ZNF177: variants seen among roughly 807,000 people sequenced by gnomAD.
ZNF177 encodes zinc finger protein 177.
Under a neutral mutation model 19.4 loss-of-function variants are expected in ZNF177, and 17 were observed. The ratio of observed to expected loss-of-function variants is 0.87; its 90% CI spans 0.60 to 1.31. ZNF177 has a LOEUF of 1.31. ZNF177 is among the 40% of genes most tolerant of loss of function. ZNF177 has a pLI of 0.00. For missense variants in ZNF177, 633 were observed against 561.8 expected, an observed-to-expected ratio of 1.13 and a Z score of -1.28; for synonymous variants, 220 against 188.7, an observed-to-expected ratio of 1.17 and a Z score of -1.36.
intron 2 of ZNF177, among the ~76,000 whole-genome samples, chr19:9,371,081 C>G (rs1298624228): frequency 6.6e-6 from 1 of 152,040 alleles, no homozygotes; most frequent in African/African-American, 2.4e-5. Context: ...GCTGGGTTTT[C>G]CCCCCAGATT....
intron 4 of ZNF177, 41 bp from the exon 7 acceptor site, chr19:9,380,009 TCCCAACC>T: frequency 6.3e-7 from 1 of 1,592,038 alleles, no homozygotes; most frequent in Non-Finnish European, 8.5e-7. Context: ...TTTTCTTTGA[TCCCAACC>T]TTTTCTCCCA....
At chr19:9,367,380 G>A (rs969440798) in intron 2 of ZNF177, among the ~76,000 whole-genome samples, 3 of 151,924 alleles carry the variant, frequency 2.0e-5, no homozygotes, top group African/African-American at 7.2e-5. Context: ...TTTTCAGGTT[G>A]AAAAAATTTA....
intron 5 of ZNF177, among the ~76,000 whole-genome samples, 158 bp downstream of exon 7, chr19:9,380,297 T>A (rs922028856): frequency 6.6e-6 from 1 of 152,088 alleles, no homozygotes; most frequent in Admixed American, 6.5e-5. Flanking sequence ...TTTCATGAAA[T>A]TGGAGAAATC....
intron 2 of ZNF177, among the ~76,000 whole-genome samples, chr19:9,366,695 G>A (rs1216371645): frequency 1.3e-5 from 2 of 151,946 alleles, no homozygotes; most frequent in East Asian, 3.9e-4. Context: ...ATTTCTCTTG[G>A]GTATATACCT....
intron 2 of ZNF177, among the ~76,000 whole-genome samples, chr19:9,365,467 G>C (rs986376227): frequency 4.0e-5 from 6 of 151,898 alleles, no homozygotes; most frequent in African/African-American, 1.5e-4. Context: ...TGGAGAGAAG[G>C]GTTCAGGGGT....
intron 2 of ZNF177, among the ~76,000 whole-genome samples, chr19:9,367,312 CA>C (rs892758051): frequency 7.0e-5 from 10 of 142,776 alleles, no homozygotes; most frequent in African/African-American, 1.6e-4. Context: ...AAGAGTGTCT[CA>C]AAAAAAAAAT....
At chr19:9,378,511 TC>T in intron 2 of ZNF177, 167 bp downstream of exon 4, 1 of 1,105,056 alleles carries the variant, frequency 9.0e-7, no homozygotes, top group Non-Finnish European at 1.3e-6. Context: ...AGGCTTCTGT[TC>T]CCACATTTGT....
intron 2 of ZNF177, among the ~76,000 whole-genome samples, chr19:9,368,181 G>A (rs139395498): frequency 3.8e-4 from 58 of 152,234 alleles, no homozygotes; most frequent in African/African-American, 1.3e-3. Context: ...CCTTGCTGAC[G>A]GGATCAGTCT....
intron 1 of ZNF177, among the ~76,000 whole-genome samples, chr19:9,376,769 T>C (rs2068115036): frequency 6.6e-6 from 1 of 152,222 alleles, no homozygotes; most frequent in Admixed American, 6.5e-5. Context: ...TTTAATATTT[T>C]TATCTTTTAA....
exon 6 of ZNF177, chr19:9,381,947 C>T: frequency 9.9e-7 from 1 of 1,011,666 alleles, no homozygotes; most frequent in Non-Finnish European, 1.4e-6. Flanking sequence ...TTGTTTTTAT[C>T]AGTGAGTATT....
At chr19:9,381,954 T>A in exon 6 of ZNF177, 1 of 936,418 alleles carries the variant, frequency 1.1e-6, no homozygotes, top group Non-Finnish European at 1.5e-6. Context: ...TATCAGTGAG[T>A]ATTTCATTCT....
chr19:9,378,472 C>A, intron 2 of ZNF177, 128 bp downstream of exon 4: 1 of 1,423,090 alleles, frequency 7.0e-7, no homozygotes, highest in Non-Finnish European at 9.5e-7. Context: ...TCCCAGGCTG[C>A]TTCATGTGGA....
In ZNF177 at chr19:9,378,392, A is replaced by G; in HGVS notation, c.33+48A>G. 4 of 1,611,906 alleles carry G rather than the reference A, an allele frequency of 2.5e-6. No homozygotes were observed. In the Admixed American group the frequency reaches 5.0e-5, roughly 20 times the overall value. ...TCCAAAAGCACACTGCCATTCCTGAAAAGAACACATCTCTTGCCCCTGACC... is the reference window on the plus strand; with the variant it reads ...TCCAAAAGCACACTGCCATTCCTGAGAAGAACACATCTCTTGCCCCTGACC... On this transcript the variant is annotated intron_variant, in intron 2 of 5. Coordinates refer to ENST00000589262, the Ensembl canonical transcript of ZNF177.
At chr19:9,380,239 C>T (rs1357467122) in intron 5 of ZNF177, 100 bp downstream of exon 7, 1 of 1,352,894 alleles carries the variant, frequency 7.4e-7, no homozygotes, top group Non-Finnish European at 9.8e-7. Context: ...AGAATTCAGG[C>T]ACCAGGCTTT....
chr19:9,380,092 G>C, exon 5 of ZNF177: 1 of 1,612,036 alleles, frequency 6.2e-7, no homozygotes, highest in South Asian at 1.1e-5. Context: ...AGATACAATT[G>C]CTATGCAGAA....
chr19:9,368,305 T>G (rs2068005817), intron 2 of ZNF177, among the ~76,000 whole-genome samples: 1 of 151,828 alleles, frequency 6.6e-6, no homozygotes, highest in South Asian at 2.1e-4. Context: ...ACAGTGTTAC[T>G]CAACCATCAC....
upstream of ZNF177, chr19:9,371,502 T>C (rs907216970): frequency 6.6e-6 from 1 of 152,192 alleles, no homozygotes; most frequent in African/African-American, 2.4e-5. Flanking sequence ...GCGTTTTAGG[T>C]TGATAAGTTA....
chr19:9,380,009 T>C, intron 4 of ZNF177, 48 bp from the exon 7 acceptor site: 1 of 1,592,040 alleles, frequency 6.3e-7, no homozygotes, highest in South Asian at 1.2e-5. Context: ...TTTTCTTTGA[T>C]CCCAACCTTT....
chr19:9,375,021 A>C (rs1332908646), upstream of ZNF177, among the ~76,000 whole-genome samples: 2 of 152,148 alleles, frequency 1.3e-5, no homozygotes, highest in African/African-American at 4.8e-5. Context: ...TCCTTCTGTA[A>C]CTAATTCGTT....
Sources: gnomAD v4.1 joint callset for allele counts (sites outside exome capture counted in the v4.1 genomes callset) on GRCh38, gnomAD v4.1.1 for gene constraint, MANE v1.5 for transcripts, NCBI Gene and HGNC (gene_info 2026-07-23, HGNC 2026-07-21) for gene names.